MIA3: variants seen among roughly 807,000 people sequenced by gnomAD.
The protein encoded by MIA3 is transport and Golgi organization protein 1 homolog.
Under a neutral mutation model 192.4 loss-of-function variants are expected in MIA3, and 90 were observed. The ratio of observed to expected loss-of-function variants is 0.47; its 90% confidence interval spans 0.39 to 0.56. The LOEUF (loss-of-function observed/expected upper bound fraction) is 0.56, where lower values mean the gene tolerates loss of function less well. Ranked by LOEUF, MIA3 falls within the 20% of genes least tolerant of loss-of-function variation. The probability of loss-of-function intolerance (pLI) is 0.00; values close to 1 mark genes in which losing one functional copy is unlikely to be tolerated. For synonymous variants in MIA3, 740 were observed against 792.8 expected, an observed-to-expected ratio of 0.93 and a Z score of 1.12; for missense variants, 2,123 against 2,269.4, an observed-to-expected ratio of 0.94 and a Z score of 1.31.
Position 222,667,381 on chromosome 1 carries a change from A to G in MIA3, c.*1762A>G, listed in dbSNP as rs528577132. On this transcript the variant is annotated 3_prime_UTR_variant, in exon 28 of 28. Transcript: ENST00000344922. ...TGAATTTACCTGTCAATATCTCTTT[A>G]GGACACAAAACAATGCTGAAGTTAA... 6.6e-4 allele frequency: 101 copies of G among 152,354 alleles called. No individual in the cohort carries two copies. The highest frequency in any genetic ancestry group is 2.2e-3 in the African/African-American group (91 of 41,580). The allele number at this position is 152,354 out of a possible 1,614,324, so 9.4% of individuals were successfully genotyped here. A position where few individuals can be genotyped will look rare whatever the true frequency, so the allele number is the denominator to read the frequency against.
intron 8 of MIA3, 133 bp downstream of exon 8, chr1:222,648,983 C>T: frequency 1.7e-6 from 1 of 602,776 alleles, no homozygotes. Context: ...TTTACTGTTC[C>T]TAGGTTGCCA....
At chr1:222,641,738 C>T (rs964130325) in intron 6 of MIA3, 1 of 558,988 alleles carries the variant, frequency 1.8e-6, no homozygotes, top group Non-Finnish European at 3.6e-6. Flanking sequence ...TTGGCTTCTA[C>T]ATACTTGGTC....
chr1:222,662,849 T>A (rs1412990424), intron 26 of MIA3: 1 of 158,418 alleles, frequency 6.3e-6, no homozygotes, highest in African/African-American at 2.4e-5. Flanking sequence ...TACAGTTGTA[T>A]ACTAGGCAAA....
chr1:222,665,222 G>T (rs1258143260), intron 27 of MIA3, 87 bp from the exon 28 acceptor site: 19 of 629,932 alleles, frequency 3.0e-5, no homozygotes, highest in Middle Eastern at 3.8e-4. Flanking sequence ...AAAAAAAAAA[G>T]GATGACAGAC....
intron 6 of MIA3, chr1:222,644,463 G>A: frequency 6.4e-7 from 1 of 1,550,528 alleles, no homozygotes; most frequent in Non-Finnish European, 8.7e-7. Context: ...CTTGCGTTCA[G>A]CTGTTCTACA....
At position 222,628,930 on chromosome 1, in the gene MIA3, A is replaced by G. The variant is rs1320072952; in HGVS notation, c.1710A>G (p.Arg570=). The change falls in exon 4 of 28, where the codon AGA becomes AGG. Residue 570 remains arginine (R), a synonymous_variant. Coordinates refer to ENST00000344922, the MANE Select transcript of MIA3 (RefSeq NM_198551.4). ...CTGCAGGGAATCAAATGAATGACAGAAAGATTCAACAGGAATCCCTGGGTA... is the reference window on the plus strand; with the variant it reads ...CTGCAGGGAATCAAATGAATGACAGGAAGATTCAACAGGAATCCCTGGGTA... The part of the protein sequence containing the change: ...QKAAGNQMND[R]KIQQESLGSA... 2 of 1,614,082 alleles carry G rather than the reference A, an allele frequency of 1.2e-6. No homozygotes were observed. The highest frequency in any genetic ancestry group is 4.5e-5 in the East Asian group (2 of 44,890).
At chr1:222,660,417 TAGAAA>T (rs1558197499) in intron 24 of MIA3, 103 bp downstream of exon 24, 1 of 1,187,254 alleles carries the variant, frequency 8.4e-7, no homozygotes, top group African/African-American at 1.6e-5. Context: ...CTGTCCAGTA[TAGAAA>T]AGAAAATTTC....
chr1:222,627,790 T>G lies in MIA3; in HGVS notation c.570T>G (p.Asp190Glu). ...TAGAAGCCAACTCAGAGGAAAGTGA[T>G]AGTGTATTCTCAGAAAACACTGAGG... ...EPVEANSEES[D>E]SVFSENTEDL... Residue 190 changes from aspartate (D) to glutamate (E), a missense_variant, in exon 4 of 28, where the codon GAT (aspartate) becomes GAG (glutamate). Asp to Glu is a conservative substitution (Grantham distance 45). Transcript: ENST00000344922. 1 of 1,613,718 alleles carries G rather than the reference T, an allele frequency of 6.2e-7. No homozygotes were observed. The highest frequency in any genetic ancestry group is 8.5e-7 in the Non-Finnish European group (1 of 1,179,862).
At position 222,650,629 on chromosome 1, in the gene MIA3, T is replaced by C. The variant is rs1328748968; in HGVS notation, c.3721-5T>C. ...TCTGGATTCTGAATGCTTTATTTTA[T>C]ATAGATCAAGGAATCAAAGAAACAT... On this transcript the variant is annotated splice_polypyrimidine_tract_variant and splice_region_variant and intron_variant, in intron 9 of 27. Transcript: ENST00000344922. The C allele has an allele frequency of 6.4e-7, 1 of 1,554,304 alleles. No homozygotes were observed. Among genetic ancestry groups the C allele is most frequent in the Non-Finnish European group, 8.8e-7 (1 of 1,137,308 alleles).
In MIA3 at chr1:222,618,186, C is replaced by A; in HGVS notation, c.76C>A (p.Pro26Thr). 6.7e-7 allele frequency: 1 copy of A among 1,501,166 alleles called. No individual in the cohort carries two copies. The highest frequency in any genetic ancestry group is 2.8e-5 in the East Asian group (1 of 35,152). 93.0% of individuals were successfully genotyped at this position (1,501,166 alleles called of 1,614,324 possible). ...CTGGCGGGTGCCGGGCCAGCTGGAC[C>A]CCAGCACTGGCCGGCGGTTCTCGGA... ...LPWRVPGQLD[P>T]STGRRFSEHK... is the part of the protein sequence containing the mutation. The change falls in exon 1 of 28, where the codon CCC (proline) becomes ACC (threonine). Residue 26 changes from proline (P) to threonine (T), a missense_variant. By Grantham distance (38) the Pro-to-Thr change is conservative (BLOSUM62 -1). Transcript: ENST00000344922.
At chr1:222,636,817 T>A (rs1662646634) in intron 6 of MIA3, among the ~76,000 whole-genome samples, 1 of 152,158 alleles carries the variant, frequency 6.6e-6, no homozygotes, top group Admixed American at 6.5e-5. Flanking sequence ...CAGCCCATAG[T>A]ATCCATCTTT....
At chr1:222,658,948 C>G in intron 19 of MIA3, 125 bp downstream of exon 19, 1 of 622,358 alleles carries the variant, frequency 1.6e-6, no homozygotes, top group Non-Finnish European at 2.8e-6. Flanking sequence ...AAAAGAAAAA[C>G]TAAATTTTAA....
At chr1:222,641,641 A>G (rs1164538264) in intron 6 of MIA3, 1 of 533,820 alleles carries the variant, frequency 1.9e-6, no homozygotes, top group African/African-American at 1.9e-5. Flanking sequence ...CACATCATGC[A>G]GCTTCTCAGG....
At chr1:222,652,469 T>C in intron 13 of MIA3, 137 bp downstream of exon 13, 1 of 640,650 alleles carries the variant, frequency 1.6e-6, no homozygotes, top group East Asian at 2.8e-5. Context: ...GTTTAAACTA[T>C]GCTTCCAAAA....
At chr1:222,647,379 A>T (rs911177877) in intron 7 of MIA3, among the ~76,000 whole-genome samples, 2 of 152,210 alleles carry the variant, frequency 1.3e-5, no homozygotes, top group African/African-American at 4.8e-5. Context: ...GAAACTTCAC[A>T]GTTAAAATGG....
At chr1:222,642,239 CTG>C (rs1662894342) in intron 6 of MIA3, among the ~76,000 whole-genome samples, 1 of 152,220 alleles carries the variant, frequency 6.6e-6, no homozygotes, top group Middle Eastern at 3.4e-3. Context: ...ACTGATCAAA[CTG>C]TGCACTTTAA....
intron 7 of MIA3, chr1:222,646,102 G>A (rs946242906): frequency 1.3e-5 from 2 of 157,302 alleles, no homozygotes; most frequent in Non-Finnish European, 2.8e-5. Flanking sequence ...TTAATGTCAT[G>A]TCTAGTAATC....
At chr1:222,623,970 A>G (rs1250099145) in intron 2 of MIA3, among the ~76,000 whole-genome samples, 2 of 152,266 alleles carry the variant, frequency 1.3e-5, no homozygotes, top group African/African-American at 4.8e-5. Context: ...AAATGGCAGT[A>G]TAGCACATCA....
chr1:222,636,876 T>C (rs952356628), intron 6 of MIA3, among the ~76,000 whole-genome samples: 1 of 152,182 alleles, frequency 6.6e-6, no homozygotes, highest in Non-Finnish European at 1.5e-5. Context: ...CCCCGAGCTT[T>C]AATCTCTGCC....
Sources: allele counts gnomAD v4.1 joint callset (sites outside exome capture counted in the v4.1 genomes callset), GRCh38; gene constraint gnomAD v4.1.1; transcripts MANE v1.5; gene names NCBI Gene and HGNC (gene_info 2026-07-23, HGNC 2026-07-21).